The following GUCY2C variants were observed in gnomAD, a reference collection of about 807,000 sequenced individuals.
GUCY2C encodes the protein guanylyl cyclase C.
Under a neutral mutation model 131.1 loss-of-function variants are expected in GUCY2C, and 118 were observed. The observed-to-expected ratio is 0.90, with a 90% CI of 0.78 to 1.05. GUCY2C has a LOEUF of 1.05. GUCY2C is among the 50% of genes least tolerant of loss of function. The pLI, the probability that GUCY2C is intolerant of heterozygous loss-of-function variation, is 0.00. For synonymous variants in GUCY2C, 452 were observed against 457.8 expected, an observed-to-expected ratio of 0.99 and a Z score of 0.16; for missense variants, 1,161 against 1,304.4, an observed-to-expected ratio of 0.89 and a Z score of 1.69.
chr12:14,669,600 T>C, intron 10 of GUCY2C, 122 bp downstream of exon 10: 1 of 605,276 alleles, frequency 1.7e-6, no homozygotes, highest in Non-Finnish European at 3.0e-6. Flanking sequence ...CAGCAGGAAA[T>C]CAAACTGGGA....
chr12:14,638,410 G>A (rs1372570366), intron 19 of GUCY2C, among the ~76,000 whole-genome samples: 3 of 152,172 alleles, frequency 2.0e-5, no homozygotes, highest in Non-Finnish European at 4.4e-5. Context: ...AAGGATGCCT[G>A]CACACTTACA....
intron 19 of GUCY2C, among the ~76,000 whole-genome samples, chr12:14,634,213 G>A (rs1947213424): frequency 6.6e-6 from 1 of 152,208 alleles, no homozygotes; most frequent in Non-Finnish European, 1.5e-5. Context: ...TACAGGCCAG[G>A]AGAAAAGGGA....
At chr12:14,644,406 C>T (rs1364063978) in intron 16 of GUCY2C, among the ~76,000 whole-genome samples, 2 of 152,164 alleles carry the variant, frequency 1.3e-5, no homozygotes, top group South Asian at 4.1e-4. Flanking sequence ...CTGTTTTTGG[C>T]TGATGTGCTT....
intron 11 of GUCY2C, among the ~76,000 whole-genome samples, chr12:14,660,748 C>T (rs1947851291): frequency 6.6e-6 from 1 of 152,196 alleles, no homozygotes; most frequent in South Asian, 2.1e-4. Flanking sequence ...GAACTAGTAA[C>T]TCAAAGAACT....
At chr12:14,631,086 A>C (rs1947133542) in intron 19 of GUCY2C, among the ~76,000 whole-genome samples, 1 of 152,172 alleles carries the variant, frequency 6.6e-6, no homozygotes, top group Non-Finnish European at 1.5e-5. Context: ...GGAGAGGTAA[A>C]AATGACCCAC....
chr12:14,663,898 A>C (rs1183257316), intron 10 of GUCY2C, among the ~76,000 whole-genome samples: 2 of 152,222 alleles, frequency 1.3e-5, no homozygotes, highest in African/African-American at 4.8e-5. Context: ...ACATTAAAAT[A>C]CATAAATAAA....
chr12:14,636,978 T>C (rs979345201), intron 19 of GUCY2C, among the ~76,000 whole-genome samples: 6 of 151,458 alleles, frequency 4.0e-5, no homozygotes, highest in Admixed American at 6.6e-5. Flanking sequence ...CTGTAATCCC[T>C]GCTACTTGGG....
At chr12:14,675,376 A>G (rs1241059428) in intron 7 of GUCY2C, among the ~76,000 whole-genome samples, 2 of 152,164 alleles carry the variant, frequency 1.3e-5, no homozygotes, top group African/African-American at 2.4e-5. Context: ...GATGAAAAAC[A>G]TACAAATGCA....
At chr12:14,622,322 G>A (rs1211299692) in intron 21 of GUCY2C, 125 bp from the exon 22 acceptor site, 6 of 591,122 alleles carry the variant, frequency 1.0e-5, no homozygotes, top group Non-Finnish European at 1.7e-5. Flanking sequence ...CCAGTGAATT[G>A]AGTGAATCGG....
chr12:14,625,673 TA>T, intron 21 of GUCY2C, 83 bp downstream of exon 21: 1 of 1,386,880 alleles, frequency 7.2e-7, no homozygotes, highest in Non-Finnish European at 1.0e-6. Flanking sequence ...GAAGAATATA[TA>T]AAAGGAAACA....
At chr12:14,624,629 A>T (rs1366446899) in intron 21 of GUCY2C, among the ~76,000 whole-genome samples, 1 of 152,166 alleles carries the variant, frequency 6.6e-6, no homozygotes, top group Non-Finnish European at 1.5e-5. Context: ...GTTATTGCTC[A>T]TGCATGTTTT....
intron 1 of GUCY2C, 96 bp downstream of exon 1, chr12:14,696,136 G>A: frequency 1.1e-6 from 1 of 936,228 alleles, no homozygotes; most frequent in Admixed American, 2.0e-5. Flanking sequence ...CTTAGAGAAA[G>A]TTGTGTGATC....
At chr12:14,681,140 A>G (rs12308488) in intron 5 of GUCY2C, among the ~76,000 whole-genome samples, 5,608 of 152,220 alleles carry the variant, frequency 0.037, 373 homozygotes, top group African/African-American at 0.13. Context: ...TTACTCAATA[A>G]TACTTAGGTA....
intron 19 of GUCY2C, among the ~76,000 whole-genome samples, chr12:14,631,400 G>A (rs1213849144): frequency 1.8e-5 from 2 of 112,360 alleles, no homozygotes; most frequent in Non-Finnish European, 3.5e-5. Context: ...CCCCATAACA[G>A]TCCCCAGAGT....
intron 7 of GUCY2C, 145 bp from the exon 8 acceptor site, chr12:14,674,905 CT>C: frequency 1.5e-6 from 1 of 651,814 alleles, no homozygotes; most frequent in Middle Eastern, 4.2e-4. Flanking sequence ...TTAAAGGAGA[CT>C]TTTAGAAAAC....
intron 11 of GUCY2C, 135 bp downstream of exon 11, chr12:14,660,846 A>T: frequency 1.5e-6 from 1 of 648,150 alleles, no homozygotes; most frequent in Non-Finnish European, 2.8e-6. Flanking sequence ...TTGATGCAGA[A>T]TGTCTTCATT....
chr12:14,638,779 A>G (rs1947332220), intron 19 of GUCY2C, among the ~76,000 whole-genome samples: 1 of 152,166 alleles, frequency 6.6e-6, no homozygotes, highest in South Asian at 2.1e-4. Flanking sequence ...GGAATAAGTT[A>G]TAATGTTTGA....
intron 15 of GUCY2C, among the ~76,000 whole-genome samples, chr12:14,645,792 A>AT (rs201667005): frequency 0.012 from 1,681 of 144,774 alleles, 24 homozygotes; most frequent in African/African-American, 0.04. Context: ...GAGATCTTGG[A>AT]TTTTTTTGTG....
chr12:14,616,587 C>G (rs113186997), intron 25 of GUCY2C, 46 bp downstream of exon 25: 2 of 1,055,322 alleles, frequency 1.9e-6, no homozygotes, highest in Non-Finnish European at 3.0e-6. Flanking sequence ...GTGGCCCAAG[C>G]GTGTCTGAGA....
Sources: allele counts gnomAD v4.1 joint callset (sites outside exome capture counted in the v4.1 genomes callset), GRCh38; gene constraint gnomAD v4.1.1; transcripts MANE v1.5; gene names NCBI Gene and HGNC (gene_info 2026-07-23, HGNC 2026-07-21).